The following SULT1C4 variants were observed in gnomAD, a reference collection of about 807,000 sequenced individuals.
SULT1C4 encodes the protein sulfotransferase 1C4.
Under a neutral mutation model 34.8 loss-of-function variants are expected in SULT1C4, and 32 were observed. That is an observed-to-expected ratio of 0.92 (90% CI 0.69 to 1.23). The LOEUF is 1.23. SULT1C4 is among the 50% of genes most tolerant of loss of function. The pLI is 0.00. For synonymous variants in SULT1C4, 111 were observed against 120.5 expected, an observed-to-expected ratio of 0.92 and a Z score of 0.51; for missense variants, 375 against 365.9, an observed-to-expected ratio of 1.02 and a Z score of -0.20.
At chr2:108,382,014 T>TAA in intron 2 of SULT1C4, 127 bp downstream of exon 2, 1 of 1,086,434 alleles carries the variant, frequency 9.2e-7, no homozygotes, top group Non-Finnish European at 1.2e-6. Context: ...TGTCTTTTTT[T>TAA]AACTGTGTCT....
intron 1 of SULT1C4, 68 bp downstream of exon 1, chr2:108,378,574 G>A: frequency 6.6e-7 from 1 of 1,526,548 alleles, no homozygotes; most frequent in African/African-American, 1.4e-5. Flanking sequence ...GTATGCATTA[G>A]TCATGAAATA....
At chr2:108,382,035 A>T (rs2104343004) in intron 2 of SULT1C4, 148 bp downstream of exon 2, 1 of 871,268 alleles carries the variant, frequency 1.1e-6, no homozygotes, top group Non-Finnish European at 1.6e-6. Context: ...GGCCATTGTT[A>T]TACTCCAGAC....
chr2:108,388,234 C>CTAG lies in SULT1C4; in HGVS notation c.*804_*806dup, dbSNP rs1410323994. 6.6e-6 allele frequency among the ~76,000 whole-genome samples: 1 copy of CTAG among 152,158 alleles called. No homozygotes were observed. Among genetic ancestry groups the CTAG allele is most frequent in the Admixed American group, 6.5e-5 (1 of 15,270 alleles). On this transcript the variant is annotated 3_prime_UTR_variant, in exon 7 of 7. Transcript: ENST00000272452. ...ACCCTCCAAGAAAAACTTCAGGGTC[C>CTAG]TAGTGTAATACATCTGTCCCCATCT...
In SULT1C4 at chr2:108,378,300, A is replaced by C; in HGVS notation, c.-38A>C. On this transcript the variant is annotated 5_prime_UTR_variant, in exon 1 of 7. Coordinates refer to ENST00000272452, the MANE Select transcript of SULT1C4 (RefSeq NM_006588.4). ...CGCAGCCATATGCTGACTGAAGATA[A>C]CTTTGTGTCTGGAAGAGCCCTCTGA... 6.3e-7 allele frequency: 1 copy of C among 1,594,290 alleles called. No homozygotes were observed. Among genetic ancestry groups the C allele is most frequent in the Non-Finnish European group, 8.6e-7 (1 of 1,168,534 alleles).
chr2:108,378,647 C>A lies in SULT1C4; in HGVS notation c.169+141C>A, dbSNP rs1033284004. On this transcript the variant is annotated intron_variant, in intron 1 of 6. Transcript: ENST00000272452. ...GGCTAAGGAAAGTTACTAGTGGAAA[C>A]TGAAGCTATACCGAAACATACTAAA... is the stretch of plus-strand genomic sequence containing the variant. 7.9e-6 allele frequency: 7 copies of A among 882,772 alleles called. No homozygotes were observed. In the African/African-American group the frequency reaches 1.0e-4, roughly 13 times the overall value. 54.7% of individuals were successfully genotyped at this position (882,772 alleles called of 1,614,324 possible).
Position 108,386,240 on chromosome 2 carries a change from T to C in SULT1C4, c.664T>C (p.Leu222=). 6.4e-7 allele frequency: 1 copy of C among 1,559,368 alleles called. No homozygotes were observed. The highest frequency in any genetic ancestry group is 1.4e-5 in the African/African-American group (1 of 73,424). The part of the protein sequence containing the change: ...QKLAEFIGKK[L]DDKVLDKIVH... ...GCTGGCAGAATTTATTGGGAAGAAA[T>C]TAGATGACAAAGTTCTAGATAAAAT... is the stretch of plus-strand genomic sequence containing the variant. The change falls in exon 6 of 7, where the codon TTA becomes CTA. Residue 222 remains leucine (L), a synonymous_variant. Transcript: ENST00000272452.
Position 108,383,502 on chromosome 2 carries a change from A to G in SULT1C4, c.607A>G (p.Met203Val), listed in dbSNP as rs760421899. The G allele has an allele frequency of 2.5e-6, 4 of 1,613,960 alleles. No homozygotes were observed. In the Admixed American group the frequency reaches 5.0e-5, roughly 20 times the overall value. ...HRILYLFYED[M>V]KKNPKHEIQK... The stretch of plus-strand genomic sequence containing the variant: ...TATTCTCTATCTCTTCTATGAGGAC[A>G]TGAAGAAGGTGAGCACAGTGCCATC... Residue 203 changes from methionine to valine, a missense_variant, in exon 5 of 7, where the codon ATG becomes GTG. Transcript: ENST00000272452.
chr2:108,379,484 C>A (rs1419967073), intron 1 of SULT1C4, among the ~76,000 whole-genome samples: 2 of 152,178 alleles, frequency 1.3e-5, no homozygotes, highest in Non-Finnish European at 2.9e-5. Flanking sequence ...AGGATCACAT[C>A]TCATCATCTT....
intron 3 of SULT1C4, 98 bp downstream of exon 3, chr2:108,382,580 T>C (rs1678438621): frequency 2.4e-6 from 2 of 829,194 alleles, no homozygotes; most frequent in Admixed American, 4.3e-5. Flanking sequence ...TATATATATA[T>C]ACCTCTTCAC....
intron 5 of SULT1C4, 96 bp from the exon 6 acceptor site, chr2:108,386,096 C>T (rs1678559150): frequency 1.1e-5 from 11 of 981,054 alleles, no homozygotes; most frequent in Non-Finnish European, 1.2e-5. Flanking sequence ...TATTTTAGCT[C>T]GTAATATGTT....
chr2:108,379,112 T>A (rs1280202332), intron 1 of SULT1C4, among the ~76,000 whole-genome samples: 1 of 152,170 alleles, frequency 6.6e-6, no homozygotes, highest in Non-Finnish European at 1.5e-5. Context: ...GAGGTGGAAA[T>A]AGTTCTCTAT....
Position 108,381,751 on chromosome 2 carries a change from G to A in SULT1C4, c.170-11G>A, listed in dbSNP as rs771637085. On this transcript the variant is annotated splice_polypyrimidine_tract_variant and intron_variant, in intron 1 of 6. Coordinates refer to ENST00000272452, the MANE Select transcript of SULT1C4 (RefSeq NM_006588.4). The stretch of plus-strand genomic sequence containing the variant: ...AGATGTCTATTCATCTTCATTTTAC[G>A]TGCACGTAAGGAACAACATGGACTC... The A allele has an allele frequency of 1.8e-5, 25 of 1,368,620 alleles. No homozygotes were observed. In the East Asian group the frequency reaches 3.3e-4, roughly 18 times the overall value. The allele number at this position is 1,368,620 out of a possible 1,614,324, so 84.8% of individuals were successfully genotyped here. A position where few individuals can be genotyped will look rare whatever the true frequency, so the allele number is the denominator to read the frequency against.
intron 3 of SULT1C4, 117 bp downstream of exon 3, chr2:108,382,599 A>G: frequency 1.2e-6 from 1 of 805,452 alleles, no homozygotes; most frequent in Non-Finnish European, 2.0e-6. Flanking sequence ...ACAATAATCA[A>G]TATGCAAATT....
rs144464562 is a variant in SULT1C4 at position 108,378,349 on chromosome 2, C to T, written c.12C>T (p.His4=). 43 of 1,613,446 alleles carry T rather than the reference C, an allele frequency of 2.7e-5. No homozygotes were observed. Among genetic ancestry groups the T allele is most frequent in the African/African-American group, 1.1e-4 (8 of 74,874 alleles). ...GATTTCTTACACTAATGGCCTTACA[C>T]GACATGGAGGATTTTACATTTGATG... MAL[H]DMEDFTFDGT... Residue 4 remains histidine, a synonymous_variant, in exon 1 of 7, where the codon CAC becomes CAT. Coordinates refer to ENST00000272452, the MANE Select transcript of SULT1C4 (RefSeq NM_006588.4).
chr2:108,384,859 A>G (rs1211688354), intron 5 of SULT1C4, among the ~76,000 whole-genome samples: 1 of 152,212 alleles, frequency 6.6e-6, no homozygotes, highest in Non-Finnish European at 1.5e-5. Context: ...GGTGCTTCAC[A>G]GACTAGTTGC....
rs11569693 is a variant in SULT1C4, at chr2:108,381,757, G to A, written c.170-5G>A. 1.3e-3 allele frequency: 1,731 copies of A among 1,379,680 alleles called. 33 individuals carry two copies. The highest frequency in any genetic ancestry group is 7.3e-4 in the South Asian group (33 of 45,194). 85.5% of individuals were successfully genotyped at this position (1,379,680 alleles called of 1,614,324 possible). ...CTATTCATCTTCATTTTACGTGCAC[G>A]TAAGGAACAACATGGACTCAGGAGA... On this transcript the variant is annotated splice_polypyrimidine_tract_variant and splice_region_variant and intron_variant, in intron 1 of 6. Coordinates refer to ENST00000272452, the MANE Select transcript of SULT1C4 (RefSeq NM_006588.4).
chr2:108,382,442 T>G lies in SULT1C4; in HGVS notation c.353T>G (p.Phe118Cys). The part of the protein sequence containing the change: ...SPRILKTHLP[F>C]HLLPPSLLEK... The stretch of plus-strand genomic sequence containing the variant: ...CGGATCCTGAAAACACATCTTCCCT[T>G]TCACTTGCTGCCACCATCCTTGCTA... Residue 118 changes from phenylalanine (F) to cysteine (C), a missense_variant, in exon 3 of 7, where the codon TTT becomes TGT. Coordinates refer to ENST00000272452, the MANE Select transcript of SULT1C4 (RefSeq NM_006588.4). The G allele has an allele frequency of 6.2e-7, 1 of 1,614,076 alleles. No individual in the cohort carries two copies. The highest frequency in any genetic ancestry group is 1.3e-5 in the African/African-American group (1 of 75,016).
chr2:108,387,301 C>T lies in SULT1C4; in HGVS notation c.797-19C>T. The T allele has an allele frequency of 6.3e-7, 1 of 1,586,864 alleles. No homozygotes were observed. The highest frequency in any genetic ancestry group is 8.6e-7 in the Non-Finnish European group (1 of 1,158,816). On this transcript the variant is annotated intron_variant, in intron 6 of 6. Transcript: ENST00000272452. ...TCTTCCAACAGCTACTGAACCTCTC[C>T]CACATAACTGTATTTCAGGGGCAGT...
At chr2:108,385,121 T>G (rs577287599) in intron 5 of SULT1C4, among the ~76,000 whole-genome samples, 1 of 152,222 alleles carries the variant, frequency 6.6e-6, no homozygotes, top group Non-Finnish European at 1.5e-5. Context: ...GAACAACCTA[T>G]GAGGTTATCA....
Sources: gnomAD v4.1 joint callset for allele counts (sites outside exome capture counted in the v4.1 genomes callset) on GRCh38, gnomAD v4.1.1 for gene constraint, MANE v1.5 for transcripts, NCBI Gene and HGNC (gene_info 2026-07-23, HGNC 2026-07-21) for gene names.